The following KLF12 variants were observed in gnomAD, a reference collection of about 807,000 sequenced individuals.
KLF12 encodes the protein KLF transcription factor 12.
KLF12 carries 9 observed loss-of-function variants against 37.8 expected under a neutral mutation model. The ratio of observed to expected loss-of-function variants is 0.24; its 90% CI spans 0.14 to 0.42. The LOEUF is 0.42. KLF12 is among the 10% of genes least tolerant of loss of function. KLF12 has a pLI of 1.00. For synonymous variants in KLF12, 208 were observed against 202.1 expected, an observed-to-expected ratio of 1.03 and a Z score of -0.25; for missense variants, 411 against 516.0, an observed-to-expected ratio of 0.80 and a Z score of 1.97.
At position 74,060,474 on chromosome 13, in the gene KLF12, T is replaced by C. The variant is rs113306317; in HGVS notation, c.-31-65421A>G. On this transcript the variant is annotated intron_variant, in intron 1 of 7. Transcript: ENST00000377669. Reference sequence around the variant, plus strand: ...TCTTTCGCCTCCGTGGTTAAATGTATACCTAGGTTTTGTGTGTGTGTGTGT... The same window carrying C: ...TCTTTCGCCTCCGTGGTTAAATGTACACCTAGGTTTTGTGTGTGTGTGTGT... Among the ~76,000 whole-genome samples the C allele has an allele frequency of 3.0e-3, 336 of 110,288 alleles. 2 individuals are homozygous for C. The highest frequency in any genetic ancestry group is 0.011 in the African/African-American group (318 of 27,934). 72.4% of individuals were successfully genotyped at this position (110,288 alleles called of 152,430 possible).
intron 5 of KLF12, among the ~76,000 whole-genome samples, chr13:73,810,454 TTTTA>T (rs1315812691): frequency 2.6e-5 from 4 of 152,070 alleles, no homozygotes. Context: ...CTTTATTTTA[TTTTA>T]TTTATTTGTT....
At chr13:73,739,399 A>C (rs1452675731) in intron 6 of KLF12, among the ~76,000 whole-genome samples, 1 of 152,130 alleles carries the variant, frequency 6.6e-6, no homozygotes, top group African/African-American at 2.4e-5. Flanking sequence ...CTGTTCCCCA[A>C]TTCTGGGCTG....
chr13:74,010,367 G>A (rs1018671544), intron 1 of KLF12, among the ~76,000 whole-genome samples: 2 of 152,156 alleles, frequency 1.3e-5, no homozygotes, highest in Non-Finnish European at 2.9e-5. Flanking sequence ...GTAAGACCAC[G>A]AACAATAATT....
At chr13:74,259,651 C>A in the KLF12 span, 1 of 152,186 alleles carries the variant, frequency 6.6e-6, no homozygotes, top group Non-Finnish European at 1.5e-5. Flanking sequence ...GCCAATACTA[C>A]AACAATGCAG....
chr13:73,821,870 C>A (rs73533818), intron 4 of KLF12, among the ~76,000 whole-genome samples: 36,245 of 152,074 alleles, frequency 0.24, 4,525 homozygotes, highest in East Asian at 0.49. Flanking sequence ...CCTTCTTTTC[C>A]TTCTCTAACT....
At chr13:73,964,869 AG>A (rs1301571279) in intron 2 of KLF12, among the ~76,000 whole-genome samples, 2 of 152,190 alleles carry the variant, frequency 1.3e-5, no homozygotes, top group Admixed American at 6.5e-5. Context: ...CACATTAAAG[AG>A]AATCTGACAC....
intron 7 of KLF12, among the ~76,000 whole-genome samples, chr13:73,700,247 A>G (rs1165893623): frequency 6.6e-6 from 1 of 152,050 alleles, no homozygotes; most frequent in Non-Finnish European, 1.5e-5. Context: ...AGCCTGGGTG[A>G]CAGAGCAAGA....
intron 3 of KLF12, among the ~76,000 whole-genome samples, chr13:73,855,010 G>T (rs777954372): frequency 6.6e-6 from 1 of 152,188 alleles, no homozygotes; most frequent in Non-Finnish European, 1.5e-5. Flanking sequence ...CCTGGAAACA[G>T]AGGCAGCTGC....
chr13:73,862,055 GT>G (rs10591257), intron 3 of KLF12, among the ~76,000 whole-genome samples: 25,185 of 142,828 alleles, frequency 0.18, 2,458 homozygotes, highest in African/African-American at 0.29. Context: ...ATATAGTTGG[GT>G]TTTTTTTTTT....
chr13:74,233,610 G>C, the KLF12 span, among the ~76,000 whole-genome samples: 2 of 152,096 alleles, frequency 1.3e-5, no homozygotes, highest in South Asian at 4.1e-4. Flanking sequence ...CTCATGAATT[G>C]TTTGTAGAAA....
intron 1 of KLF12, among the ~76,000 whole-genome samples, chr13:74,122,023 A>C (rs1393724179): frequency 6.6e-6 from 1 of 152,096 alleles, no homozygotes; most frequent in Non-Finnish European, 1.5e-5. Flanking sequence ...TCTAGTGAGG[A>C]GATTACATGC....
intron 3 of KLF12, among the ~76,000 whole-genome samples, chr13:73,936,889 A>G (rs1229798654): frequency 6.6e-6 from 1 of 152,156 alleles, no homozygotes; most frequent in Non-Finnish European, 1.5e-5. Flanking sequence ...AAACTCCTCT[A>G]AAGGTTAAAC....
the KLF12 span, among the ~76,000 whole-genome samples, chr13:74,271,689 A>T: frequency 6.6e-6 from 1 of 152,236 alleles, no homozygotes; most frequent in African/African-American, 2.4e-5. Flanking sequence ...GCCACAGGAA[A>T]CACTAAATAC....
chr13:74,116,321 AC>A (rs1318297194), intron 1 of KLF12, among the ~76,000 whole-genome samples: 3 of 152,226 alleles, frequency 2.0e-5, no homozygotes, highest in African/African-American at 7.2e-5. Flanking sequence ...TCACAAAGAA[AC>A]ACTCTTATTC....
chr13:73,838,558 T>C (rs974845303), intron 4 of KLF12, among the ~76,000 whole-genome samples: 1 of 152,184 alleles, frequency 6.6e-6, no homozygotes, highest in African/African-American at 2.4e-5. Flanking sequence ...ATGATTATTT[T>C]AATAAGAAAT....
chr13:73,832,148 T>A (rs918611847), intron 4 of KLF12, among the ~76,000 whole-genome samples: 7 of 152,188 alleles, frequency 4.6e-5, no homozygotes, highest in African/African-American at 1.7e-4. Context: ...GCAGTGTCTG[T>A]GTGGGAGGTG....
the KLF12 span, among the ~76,000 whole-genome samples, chr13:74,212,925 A>T: frequency 6.6e-6 from 1 of 152,104 alleles, no homozygotes; most frequent in African/African-American, 2.4e-5. Flanking sequence ...AAGATGGTTG[A>T]TAAGGACATG....
chr13:74,101,611 CTTAT>C (rs963316499), intron 1 of KLF12, among the ~76,000 whole-genome samples: 39 of 152,238 alleles, frequency 2.6e-4, no homozygotes, highest in Admixed American at 1.4e-3. Flanking sequence ...CCTGGAACTG[CTTAT>C]TGTGCCATAA....
At chr13:74,115,113 T>C (rs1363889326) in intron 1 of KLF12, among the ~76,000 whole-genome samples, 1 of 152,204 alleles carries the variant, frequency 6.6e-6, no homozygotes, top group Non-Finnish European at 1.5e-5. Flanking sequence ...TCCTCCAAAT[T>C]AACAAAGTTA....
Sources: gnomAD v4.1 joint callset for allele counts (sites outside exome capture counted in the v4.1 genomes callset) on GRCh38, gnomAD v4.1.1 for gene constraint, MANE v1.5 for transcripts, NCBI Gene and HGNC (gene_info 2026-07-23, HGNC 2026-07-21) for gene names.